The following EFCAB7 variants were observed in gnomAD, a reference collection of about 807,000 sequenced individuals.
The protein encoded by EFCAB7 is EF-hand calcium-binding domain-containing protein 7.
Under a neutral mutation model 77.1 loss-of-function variants are expected in EFCAB7, and 66 were observed. That is an observed-to-expected ratio of 0.86 (90% CI 0.70 to 1.05). EFCAB7 has a LOEUF of 1.05. Ranked by LOEUF, EFCAB7 falls within the 50% of genes least tolerant of loss-of-function variation. The pLI, the probability that EFCAB7 is intolerant of heterozygous loss-of-function variation, is 0.00. For synonymous variants in EFCAB7, 225 were observed against 243.3 expected, an observed-to-expected ratio of 0.92 and a Z score of 0.70; for missense variants, 638 against 730.5, an observed-to-expected ratio of 0.87 and a Z score of 1.46.
intron 10 of EFCAB7, among the ~76,000 whole-genome samples, chr1:63,558,913 T>C (rs1647060862): frequency 6.6e-6 from 1 of 151,820 alleles, no homozygotes; most frequent in African/African-American, 2.4e-5. Flanking sequence ...CTGGGTGCTG[T>C]GGCTCATGCC....
chr1:63,559,748 G>A (rs1429612129), intron 10 of EFCAB7, among the ~76,000 whole-genome samples: 2 of 152,132 alleles, frequency 1.3e-5, no homozygotes, highest in African/African-American at 2.4e-5. Flanking sequence ...GTAACATCAT[G>A]TATCCACCAT....
intron 8 of EFCAB7, among the ~76,000 whole-genome samples, chr1:63,552,955 G>A (rs2100906739): frequency 6.6e-6 from 1 of 152,070 alleles, no homozygotes; most frequent in East Asian, 1.9e-4. Context: ...TTTCCACTTT[G>A]TTTTGGGTAA....
the EFCAB7 span, among the ~76,000 whole-genome samples, chr1:63,584,994 C>G: frequency 1.3e-5 from 2 of 152,080 alleles, no homozygotes; most frequent in Non-Finnish European, 2.9e-5. Context: ...ATGTCTTTGT[C>G]TTGTTTGGGT....
intron 13 of EFCAB7, among the ~76,000 whole-genome samples, chr1:63,572,057 C>T (rs1647278038): frequency 6.6e-6 from 1 of 152,184 alleles, no homozygotes; most frequent in Non-Finnish European, 1.5e-5. Flanking sequence ...TATTCTTACC[C>T]TTTCTTTCTC....
chr1:63,562,445 TTA>T (rs367832241), intron 11 of EFCAB7, among the ~76,000 whole-genome samples: 2,687 of 71,066 alleles, frequency 0.038, 228 homozygotes, highest in African/African-American at 0.14. Context: ...CCTTCTTAAT[TTA>T]TTTATATATA....
intron 10 of EFCAB7, among the ~76,000 whole-genome samples, chr1:63,557,881 A>C (rs1647049949): frequency 6.6e-6 from 1 of 152,228 alleles, no homozygotes; most frequent in Admixed American, 6.5e-5. Flanking sequence ...TATAGATCAC[A>C]GAACAAGAGG....
In EFCAB7 at chr1:63,551,807, G is replaced by A. The variant is rs753166186; in HGVS notation, c.1029G>A (p.Val343=). The A allele has an allele frequency of 2.3e-5, 36 of 1,593,830 alleles. No homozygotes were observed. Among genetic ancestry groups the A allele is most frequent in the Non-Finnish European group, 3.0e-5 (35 of 1,169,862 alleles). ...AGAGTCAAGCAAATCTACAGCTTGT[G>A]TGTTTTACCGAACTACGAAATAGAG... The part of the protein sequence containing the change: ...ENESQANLQL[V]CFTELRNREV... Residue 343 remains valine (V), a synonymous_variant, in exon 8 of 14, where the codon GTG becomes GTA. Transcript: ENST00000371088.
At chr1:63,553,705 AC>A (rs1473328112) in intron 8 of EFCAB7, among the ~76,000 whole-genome samples, 1 of 152,178 alleles carries the variant, frequency 6.6e-6, no homozygotes, top group Admixed American at 6.5e-5. Flanking sequence ...GGACCTGGTG[AC>A]CTTAAGAAGA....
At chr1:63,534,893 A>G (rs892553799) in intron 6 of EFCAB7, among the ~76,000 whole-genome samples, 1 of 152,068 alleles carries the variant, frequency 6.6e-6, no homozygotes, top group Non-Finnish European at 1.5e-5. Context: ...ATATCTTTAA[A>G]TTGCTAGAGA....
chr1:63,525,505 G>T, intron 1 of EFCAB7, 67 bp from the exon 2 acceptor site: 2 of 1,258,038 alleles, frequency 1.6e-6, no homozygotes, highest in South Asian at 2.0e-5. Flanking sequence ...GTATTTGAAA[G>T]ACATGGTGAC....
At chr1:63,531,287 T>C (rs1439657680) in intron 2 of EFCAB7, among the ~76,000 whole-genome samples, 1 of 151,348 alleles carries the variant, frequency 6.6e-6, no homozygotes, top group Non-Finnish European at 1.5e-5. Flanking sequence ...GCTGTATTTG[T>C]CTTCAGCGTC....
At position 63,530,921 on chromosome 1, in the gene EFCAB7, A is replaced by G. The variant is rs114318542; in HGVS notation, c.188-899A>G. On this transcript the variant is annotated intron_variant, in intron 2 of 13. Coordinates refer to ENST00000371088, the MANE Select transcript of EFCAB7 (RefSeq NM_032437.4). ...TTATGGGGTACAATTTGACATTTCAATACATTTATATGTTGTATAATGATC... is the reference window on the plus strand; with the variant it reads ...TTATGGGGTACAATTTGACATTTCAGTACATTTATATGTTGTATAATGATC... Among the ~76,000 whole-genome samples, 1,158 of 152,276 alleles carry G rather than the reference A, an allele frequency of 7.6e-3. 12 individuals are homozygous for G. Among genetic ancestry groups the G allele is most frequent in the African/African-American group, 0.027 (1,107 of 41,562 alleles).
chr1:63,585,227 T>G, the EFCAB7 span, among the ~76,000 whole-genome samples: 2 of 152,000 alleles, frequency 1.3e-5, no homozygotes, highest in Non-Finnish European at 2.9e-5. Context: ...GGTTGAGTTT[T>G]GGTAGTTTGT....
In EFCAB7 at chr1:63,525,645, A is replaced by G. The variant is rs148610573; in HGVS notation, c.73A>G (p.Lys25Glu). 1.0e-5 allele frequency: 16 copies of G among 1,604,302 alleles called. No individual in the cohort carries two copies. The highest frequency in any genetic ancestry group is 1.3e-5 in the Non-Finnish European group (15 of 1,177,974). Residue 25 changes from lysine to glutamate, a missense_variant, in exon 2 of 14, where the codon AAG (lysine) becomes GAG (glutamate). Lys to Glu is a moderately conservative substitution (Grantham distance 56). Coordinates refer to ENST00000371088, the MANE Select transcript of EFCAB7 (RefSeq NM_032437.4). ...KSTPSESPRTKKFPLTEEEIF... is the reference protein window; with the variant it reads ...KSTPSESPRTEKFPLTEEEIF... ...AACACCTTCAGAGAGTCCTCGAACA[A>G]AGAAATTTCCACTAACTGAAGAGGA...
At chr1:63,549,531 A>T (rs548616172) in intron 7 of EFCAB7, 1 of 457,266 alleles carries the variant, frequency 2.2e-6, no homozygotes, top group Non-Finnish European at 4.5e-6. Context: ...AGTTTTATTT[A>T]AAGTGTTATT....
intron 6 of EFCAB7, among the ~76,000 whole-genome samples, chr1:63,539,501 A>T (rs1646803395): frequency 6.6e-6 from 1 of 152,206 alleles, no homozygotes; most frequent in Non-Finnish European, 1.5e-5. Flanking sequence ...ATCACTGCAG[A>T]TATTTAAATG....
intron 2 of EFCAB7, 58 bp downstream of exon 2, chr1:63,525,817 C>T (rs931253492): frequency 3.4e-6 from 4 of 1,189,546 alleles, no homozygotes; most frequent in South Asian, 3.1e-5. Flanking sequence ...ATAAATAGGT[C>T]CGAAAGACTG....
chr1:63,565,534 T>C (rs1647160839), intron 11 of EFCAB7, among the ~76,000 whole-genome samples: 1 of 152,036 alleles, frequency 6.6e-6, no homozygotes, highest in Admixed American at 6.6e-5. Flanking sequence ...AATTGATAAA[T>C]GGGATCTAAT....
At chr1:63,551,484 A>T (rs1338075667) in intron 7 of EFCAB7, among the ~76,000 whole-genome samples, 1 of 152,112 alleles carries the variant, frequency 6.6e-6, no homozygotes, top group African/African-American at 2.4e-5. Flanking sequence ...TCAGCTACTC[A>T]GGAGGCTGAA....
Sources: gnomAD v4.1 joint callset for allele counts (sites outside exome capture counted in the v4.1 genomes callset) on GRCh38, gnomAD v4.1.1 for gene constraint, MANE v1.5 for transcripts, NCBI Gene and HGNC (gene_info 2026-07-23, HGNC 2026-07-21) for gene names.